MUC6: variants seen among roughly 807,000 people sequenced by gnomAD.
The protein encoded by MUC6 is mucin 6, oligomeric mucus/gel-forming (gene/pseudogene).
Under a neutral mutation model 201.5 loss-of-function variants are expected in MUC6, and 188 were observed. The ratio of observed to expected loss-of-function variants is 0.93; its 90% CI spans 0.83 to 1.05. The LOEUF (loss-of-function observed/expected upper bound fraction) is 1.05. MUC6 is among the 50% of genes least tolerant of loss of function. MUC6 has a pLI of 0.00. For synonymous variants in MUC6, 1,228 were observed against 1,389.4 expected (o/e 0.88, Z 2.58); for missense variants, 2,706 against 3,256.9 (o/e 0.83, Z 4.12).
chr11:1,036,664 G>A lies in MUC6; in HGVS notation c.-9C>T, dbSNP rs891459231. 4 of 1,546,266 alleles carry A rather than the reference G, an allele frequency of 2.6e-6. No homozygotes were observed. In the African/African-American group the frequency reaches 5.5e-5, roughly 21 times the overall value. Reference sequence around the variant, plus strand: ...AGCCACCGCTGGACCATGGTGCACAGTGGAGAGGAGCTCGCGCTGGGCCCG... The same window carrying A: ...AGCCACCGCTGGACCATGGTGCACAATGGAGAGGAGCTCGCGCTGGGCCCG... On this transcript the variant is annotated 5_prime_UTR_variant, in exon 1 of 33. Coordinates refer to ENST00000421673, the MANE Select transcript of MUC6 (RefSeq NM_005961.3).
chr11:1,028,213 G>T lies in MUC6; in HGVS notation c.1753+13C>A. On this transcript the variant is annotated intron_variant, in intron 14 of 32. Coordinates refer to ENST00000421673, the MANE Select transcript of MUC6 (RefSeq NM_005961.3). Reference sequence around the variant, plus strand: ...GGGGGGGCAGCCAGGGGAGTGGGGGGCCGGACACTCACTGTTGAGCTGGCT... The same window carrying T: ...GGGGGGGCAGCCAGGGGAGTGGGGGTCCGGACACTCACTGTTGAGCTGGCT... 6.4e-7 allele frequency: 1 copy of T among 1,557,980 alleles called. No homozygotes were observed.
chr11:1,023,181 G>A (rs777297891), intron 26 of MUC6, among the ~76,000 whole-genome samples: 2 of 152,004 alleles, frequency 1.3e-5, no homozygotes, highest in Non-Finnish European at 2.9e-5. Flanking sequence ...ATGAATCTGC[G>A]GGAATGTGAC....
At chr11:1,023,435 T>G (rs1856871634) in intron 26 of MUC6, 74 bp downstream of exon 26, 1 of 1,484,614 alleles carries the variant, frequency 6.7e-7, no homozygotes, top group Admixed American at 2.1e-5. Context: ...TGAATGCGTG[T>G]GAATGAATGA....
intron 2 of MUC6, among the ~76,000 whole-genome samples, chr11:1,032,443 T>C (rs1857129392): frequency 6.6e-6 from 1 of 150,436 alleles, no homozygotes; most frequent in South Asian, 2.1e-4. Context: ...GTGATTGTGT[T>C]GCATGCACAT....
chr11:1,018,010 C>G lies in MUC6; in HGVS notation c.4791G>C (p.Lys1597Asn). 3 of 1,610,688 alleles carry G rather than the reference C, an allele frequency of 1.9e-6. No homozygotes were observed. The highest frequency in any genetic ancestry group is 2.2e-5 in the East Asian group (1 of 44,782). The change falls in exon 31 of 33, where the codon AAG becomes AAC. Residue 1597 changes from lysine to asparagine, a missense_variant. Transcript: ENST00000421673. The part of the protein sequence containing the change: ...STGPMTATSF[K>N]TTTTYPTPSH... ...ATGGGGTTGGATAGGTAGTGGTGGTCTTGAAGGATGTTGCCGTCATGGGAC... is the reference window on the plus strand; with the variant it reads ...ATGGGGTTGGATAGGTAGTGGTGGTGTTGAAGGATGTTGCCGTCATGGGAC...
intron 1 of MUC6, among the ~76,000 whole-genome samples, chr11:1,035,523 A>G (rs1340748272): frequency 3.3e-5 from 5 of 150,592 alleles, no homozygotes; most frequent in Non-Finnish European, 3.0e-5. Context: ...AGAGACCCCC[A>G]TATCTCCTAC....
At chr11:1,022,792 C>CGTGTGT (rs200854044) in intron 26 of MUC6, among the ~76,000 whole-genome samples, 8 of 152,124 alleles carry the variant, frequency 5.3e-5, no homozygotes, top group African/African-American at 1.9e-4. Context: ...CATGAATGTG[C>CGTGTGT]GTGTGTGTAT....
chr11:1,029,277 T>C lies in MUC6; in HGVS notation c.1226A>G (p.Asp409Gly), dbSNP rs1484113429. The C allele has an allele frequency of 6.2e-7, 1 of 1,606,960 alleles. No homozygotes were observed. The change falls in exon 10 of 33, where the codon GAC (aspartate) becomes GGC (glycine). Residue 409 changes from aspartate (D) to glycine (G), a missense_variant. Physicochemically the swap from Asp to Gly is moderately conservative, Grantham distance 94. Coordinates refer to ENST00000421673, the MANE Select transcript of MUC6 (RefSeq NM_005961.3). ...LEGGSFVTTF[D>G]ARPYRFHGTC... Reference sequence around the variant, plus strand: ...GCCGTGGAAGCGGTAGGGCCTGGCGTCAAATGTGGTAACAAAGGAGCCACC... The same window carrying C: ...GCCGTGGAAGCGGTAGGGCCTGGCGCCAAATGTGGTAACAAAGGAGCCACC...
intron 24 of MUC6, 127 bp downstream of exon 24, chr11:1,024,717 G>T: frequency 7.0e-7 from 1 of 1,419,968 alleles, no homozygotes; most frequent in Non-Finnish European, 9.4e-7. Context: ...GAAACTCTCT[G>T]CACCCTGACC....
In MUC6 at chr11:1,026,413, C is replaced by G. The variant is rs779048860; in HGVS notation, c.2460G>C (p.Gln820His). The change falls in exon 20 of 33, where the codon CAG (glutamine) becomes CAC (histidine). Residue 820 changes from glutamine to histidine, a missense_variant. This residue lies in a region of MUC6 where 1,850 missense variants were observed against 1,958.3 expected (regional missense o/e 0.94). Coordinates refer to ENST00000421673, the MANE Select transcript of MUC6 (RefSeq NM_005961.3). ...ATGGGCACTCCTCGGGGGGCACACA[C>G]TGCCCGTCGGCATTCTCGTAGAGGC... ...AEGLYENADG[Q>H]CVPPEECPCE... 6.2e-7 allele frequency: 1 copy of G among 1,609,186 alleles called. No homozygotes were observed. Among genetic ancestry groups the G allele is most frequent in the Non-Finnish European group, 8.5e-7 (1 of 1,178,556 alleles).
intron 8 of MUC6, 120 bp from the exon 9 acceptor site, chr11:1,029,735 G>T: frequency 7.4e-7 from 1 of 1,348,386 alleles, no homozygotes; most frequent in Non-Finnish European, 9.8e-7. Flanking sequence ...CTCCAGCCTG[G>T]CTCCAGGGAG....
chr11:1,029,720 G>T (rs1014981372), intron 8 of MUC6, 105 bp from the exon 9 acceptor site: 1 of 1,402,616 alleles, frequency 7.1e-7, no homozygotes, highest in African/African-American at 1.5e-5. Context: ...CCAGGGAGAC[G>T]CCCCCTCCAG....
chr11:1,031,562 C>G (rs1317074098), intron 4 of MUC6, 45 bp downstream of exon 4: 3 of 1,536,470 alleles, frequency 2.0e-6, no homozygotes, highest in Non-Finnish European at 1.7e-6. Flanking sequence ...ACCTGCCCCC[C>G]CGTGCTGCGG....
rs754248669 is a variant in MUC6, at chr11:1,013,534, G to A, written c.7242C>T (p.Ser2414=). 1 of 1,581,182 alleles carries A rather than the reference G, an allele frequency of 6.3e-7. No homozygotes were observed. Among genetic ancestry groups the A allele is most frequent in the Non-Finnish European group, 8.6e-7 (1 of 1,165,106 alleles). The change falls in exon 33 of 33, where the codon AGC becomes AGT. Residue 2414 remains serine, a synonymous_variant. Transcript: ENST00000421673. ...QQLELPCPDP[S]TPGRRLVLTL... ...TGAGTACGAGCCGCCGGCCAGGCGT[G>A]CTGGGATCGGGGCAGGGCAGCTCCA...
At chr11:1,015,503 A>C (rs1465247014) in intron 31 of MUC6, among the ~76,000 whole-genome samples, 1 of 152,116 alleles carries the variant, frequency 6.6e-6, no homozygotes, top group Non-Finnish European at 1.5e-5. Flanking sequence ...TGAGTGAGCC[A>C]GTGCAGGGAA....
rs1564841966 is a variant in MUC6, at chr11:1,027,420, G to A, written c.2079C>T (p.His693=). Residue 693 remains histidine, a synonymous_variant, in exon 17 of 33, where the codon CAC becomes CAT. Coordinates refer to ENST00000421673, the MANE Select transcript of MUC6 (RefSeq NM_005961.3). ...TGCAACCGTCCACGGGCACGGCGCT[G>A]TGGTGGCACTCGGTGGCACGGTCCG... ...SLSDRATECH[H]SAVPVDGCNC... is the part of the protein sequence containing the mutation. 3.7e-6 allele frequency: 6 copies of A among 1,612,856 alleles called. No individual in the cohort carries two copies. Among genetic ancestry groups the A allele is most frequent in the Admixed American group, 1.7e-5 (1 of 60,026 alleles).
In MUC6 at chr11:1,028,394, C is replaced by T. The variant is rs745430138; in HGVS notation, c.1592-7G>A. 1.1e-5 allele frequency: 17 copies of T among 1,610,922 alleles called. No homozygotes were observed. The highest frequency in any genetic ancestry group is 1.4e-5 in the Non-Finnish European group (16 of 1,179,490). On this transcript the variant is annotated splice_region_variant and splice_polypyrimidine_tract_variant and intron_variant, in intron 13 of 32. Transcript: ENST00000421673. ...TTGAAGTTGCCGCAGAGCCCTGAGC[C>T]GGCGGGGCGTGAGCTCGACTTGAAC...
At chr11:1,023,364 ATG>A in intron 26 of MUC6, 143 bp downstream of exon 26, 1 of 1,055,960 alleles carries the variant, frequency 9.5e-7, no homozygotes, top group Non-Finnish European at 1.3e-6. Flanking sequence ...GTGTGTGTGA[ATG>A]AATGTGTGCA....
At position 1,033,659 on chromosome 11, in the gene MUC6, G is replaced by A. The variant is rs938936699; in HGVS notation, c.53-584C>T. On this transcript the variant is annotated intron_variant, in intron 1 of 32. Coordinates refer to ENST00000421673, the MANE Select transcript of MUC6 (RefSeq NM_005961.3). The surrounding 1 kb of genome is among the most constrained non-coding windows in gnomAD (Gnocchi z 5.6). ...AGAAACATCCAGATAGCCCAGTCAC[G>A]GTGACTCCAGGGCAGGGCAGCGGGG... Among the ~76,000 whole-genome samples, 3 of 152,024 alleles carry A rather than the reference G, an allele frequency of 2.0e-5. No individual in the cohort carries two copies. Among genetic ancestry groups the A allele is most frequent in the Admixed American group, 6.5e-5 (1 of 15,268 alleles).
Sources: gnomAD v4.1 joint callset for allele counts (sites outside exome capture counted in the v4.1 genomes callset) on GRCh38, gnomAD v4.1.1 for gene constraint, gnomAD v4.1.1 regional missense constraint, Gnocchi (gnomAD v3.1) non-coding constraint, MANE v1.5 for transcripts, NCBI Gene and HGNC (gene_info 2026-07-23, HGNC 2026-07-21) for gene names.